Variants in PCDHGA5 observed in about 807,000 individuals in gnomAD.
The protein encoded by PCDHGA5 is protocadherin gamma subfamily A, 5, also known as protocadherin gamma-A5.
Under a neutral mutation model 56.7 loss-of-function variants are expected in PCDHGA5, and 36 were observed. The ratio of observed to expected loss-of-function variants is 0.64; its 90% CI spans 0.49 to 0.84. The LOEUF (loss-of-function observed/expected upper bound fraction) is 0.84, where lower values mean the gene tolerates loss of function less well. PCDHGA5 is among the 40% of genes least tolerant of loss of function. The pLI, the probability that PCDHGA5 is intolerant of heterozygous loss-of-function variation, is 0.00. For missense variants in PCDHGA5, 1,305 were observed against 1,201.5 expected (o/e 1.09, Z -1.27); for synonymous variants, 563 against 520.2 (o/e 1.08, Z -1.12).
Position 141,476,461 on chromosome 5 carries a change from G to T in PCDHGA5, c.2422-18346G>T. On this transcript the variant is annotated intron_variant, in intron 1 of 3. Transcript: ENST00000518069. This position sits in a 1 kb window ranked among gnomAD's most constrained non-coding sequence, Gnocchi z 7.6. The stretch of plus-strand genomic sequence containing the variant: ...CTCTGGAGTTGGTAGTGGAGAACCC[G>T]CTGGAGCTGTTCAGCGTGGAAGTGG... The T allele has an allele frequency of 6.2e-7, 1 of 1,614,122 alleles. No homozygotes were observed. Among genetic ancestry groups the T allele is most frequent in the Non-Finnish European group, 8.5e-7 (1 of 1,180,022 alleles).
intron 1 of PCDHGA5, chr5:141,440,247 T>C (rs1158469276): frequency 1.3e-5 from 2 of 152,296 alleles, no homozygotes; most frequent in Non-Finnish European, 2.9e-5. Context: ...GGCGAGCAGA[T>C]TACGAGGTCA....
Position 141,432,483 on chromosome 5 carries a change from T to C in PCDHGA5, c.2422-62324T>C, listed in dbSNP as rs776090923. The C allele has an allele frequency of 6.2e-7, 1 of 1,614,136 alleles. No homozygotes were observed. The highest frequency in any genetic ancestry group is 1.1e-5 in the South Asian group (1 of 91,078). ...CTCCCCACGGACGGTTCCACTGGCG[T>C]GGAGCTGGCTCCCCGCTCCGCAGAG... On this transcript the variant is annotated intron_variant, in intron 1 of 3. Coordinates refer to ENST00000518069, the MANE Select transcript of PCDHGA5 (RefSeq NM_018918.3). The surrounding 1 kb of genome is among the most constrained non-coding windows in gnomAD (Gnocchi z 6.0).
intron 1 of PCDHGA5, among the ~76,000 whole-genome samples, chr5:141,459,747 A>G (rs553965181): frequency 3.2e-4 from 48 of 152,318 alleles, no homozygotes; most frequent in African/African-American, 1.1e-3. Flanking sequence ...AATTTTAGCA[A>G]TTCTAGTGGG....
At chr5:141,502,363 T>C (rs1216939790) in intron 2 of PCDHGA5, among the ~76,000 whole-genome samples, 2 of 152,100 alleles carry the variant, frequency 1.3e-5, no homozygotes, top group African/African-American at 4.8e-5. Context: ...ATGGATATTT[T>C]TAAAGAGTCC....
chr5:141,372,307 C>T, intron 1 of PCDHGA5: 3 of 1,613,452 alleles, frequency 1.9e-6, no homozygotes, highest in Non-Finnish European at 2.5e-6. Context: ...AGGGAGGCCG[C>T]CCGCCAGCGC....
chr5:141,404,177 A>C, intron 1 of PCDHGA5: 1 of 1,613,448 alleles, frequency 6.2e-7, no homozygotes, highest in Non-Finnish European at 8.5e-7. Context: ...GACGGCCCAA[A>C]TTCTTGACCG....
intron 1 of PCDHGA5, among the ~76,000 whole-genome samples, chr5:141,442,846 C>T (rs1489647686): frequency 2.6e-5 from 4 of 152,234 alleles, no homozygotes; most frequent in Non-Finnish European, 4.4e-5. Context: ...AAATCTTGGC[C>T]ATTGTAGTAT....
chr5:141,415,095 C>G, intron 1 of PCDHGA5: 2 of 1,613,584 alleles, frequency 1.2e-6, no homozygotes, highest in Non-Finnish European at 1.7e-6. Context: ...TGGACAGAGA[C>G]GCGCTCAAGC....
chr5:141,399,300 C>T (rs985419238), intron 1 of PCDHGA5: 3 of 1,613,792 alleles, frequency 1.9e-6, no homozygotes, highest in Non-Finnish European at 2.5e-6. Flanking sequence ...TTAAGATTAT[C>T]TCTTCATCCA....
chr5:141,415,740 GTTTTTTTTTTT>G lies in PCDHGA5; in HGVS notation c.2421+49011_2421+49021del, dbSNP rs57426385. On this transcript the variant is annotated intron_variant, in intron 1 of 3. Transcript: ENST00000518069. ...TGAGTAGAATTTGATGTTTATTAAGGTTTTTTTTTTTTTTTTTTTTTTTTTTTTTTTTACTT... is the reference window on the plus strand; with the variant it reads ...TGAGTAGAATTTGATGTTTATTAAGGTTTTTTTTTTTTTTTTTTTTTACTT... 695 of 624,702 alleles carry G rather than the reference GTTTTTTTTTTT, an allele frequency of 1.1e-3. 1 individual carries two copies. Among genetic ancestry groups the G allele is most frequent in the East Asian group, 1.8e-3 (27 of 14,732 alleles). 38.7% of individuals were successfully genotyped at this position (624,702 alleles called of 1,614,324 possible).
chr5:141,381,188 T>G (rs1271101708), intron 1 of PCDHGA5, among the ~76,000 whole-genome samples: 1 of 152,222 alleles, frequency 6.6e-6, no homozygotes, highest in Non-Finnish European at 1.5e-5. Context: ...GAAGTTAAGC[T>G]TTCTTAGTGT....
intron 1 of PCDHGA5, chr5:141,427,973 C>G (rs754410723): frequency 3.1e-6 from 5 of 1,593,936 alleles, no homozygotes; most frequent in Non-Finnish European, 3.4e-6. Flanking sequence ...TGCTGTACCC[C>G]GCGCTGGGGC....
chr5:141,370,950 C>G (rs78666647), intron 1 of PCDHGA5: 1 of 1,614,002 alleles, frequency 6.2e-7, no homozygotes, highest in South Asian at 1.1e-5. Flanking sequence ...GAAGGAGAAC[C>G]TGGATGGCAG....
At position 141,477,226 on chromosome 5, in the gene PCDHGA5, C is replaced by G. The variant is rs779570150; in HGVS notation, c.2422-17581C>G. 59 of 1,614,076 alleles carry G rather than the reference C, an allele frequency of 3.7e-5. No homozygotes were observed. The highest frequency in any genetic ancestry group is 1.3e-4 in the Admixed American group (8 of 60,004). On this transcript the variant is annotated intron_variant, in intron 1 of 3. Coordinates refer to ENST00000518069, the MANE Select transcript of PCDHGA5 (RefSeq NM_018918.3). This position sits in a 1 kb window ranked among gnomAD's most constrained non-coding sequence, Gnocchi z 4.9. ...CCGAGGATGCCCCTCTGGGGACTGT[C>G]ATCGCTTTGCTCAGTGTGACTGACC...
At chr5:141,435,665 A>C (rs1029846055) in intron 1 of PCDHGA5, among the ~76,000 whole-genome samples, 2 of 152,206 alleles carry the variant, frequency 1.3e-5, no homozygotes, top group African/African-American at 4.8e-5. Flanking sequence ...CACAGATTCC[A>C]AGTGTTTTCT....
intron 1 of PCDHGA5, chr5:141,427,971 C>A (rs764145525): frequency 1.3e-6 from 2 of 1,593,630 alleles, no homozygotes; most frequent in Non-Finnish European, 1.7e-6. Flanking sequence ...GGTGCTGTAC[C>A]CCGCGCTGGG....
In PCDHGA5 at chr5:141,485,433, A is replaced by G. The variant is rs2099613324; in HGVS notation, c.2422-9374A>G. On this transcript the variant is annotated intron_variant, in intron 1 of 3. Transcript: ENST00000518069. The surrounding 1 kb of genome is among the most constrained non-coding windows in gnomAD (Gnocchi z 5.7). The stretch of plus-strand genomic sequence containing the variant: ...TTGGACAGCGGAGCCCTGCTCATCA[A>G]GAACCCAATCGACCGAGAGGCACTG... 6 of 1,614,208 alleles carry G rather than the reference A, an allele frequency of 3.7e-6. No homozygotes were observed. Among genetic ancestry groups the G allele is most frequent in the Non-Finnish European group, 5.1e-6 (6 of 1,180,030 alleles).
intron 1 of PCDHGA5, chr5:141,442,507 G>C (rs1394231840): frequency 1.3e-5 from 2 of 152,208 alleles, no homozygotes; most frequent in Non-Finnish European, 1.5e-5. Flanking sequence ...TATTCTAATT[G>C]CTTGGGCAGA....
chr5:141,486,803 C>T lies in PCDHGA5; in HGVS notation c.2422-8004C>T. 1 of 1,614,228 alleles carries T rather than the reference C, an allele frequency of 6.2e-7. No homozygotes were observed. Among genetic ancestry groups the T allele is most frequent in the South Asian group, 1.1e-5 (1 of 91,084 alleles). ...GCAGGCCCGGGATCGGGGCAACCCACCCCTTAGCAGCACTGTAACAGTTCG... is the reference window on the plus strand; with the variant it reads ...GCAGGCCCGGGATCGGGGCAACCCATCCCTTAGCAGCACTGTAACAGTTCG... On this transcript the variant is annotated intron_variant, in intron 1 of 3. Coordinates refer to ENST00000518069, the MANE Select transcript of PCDHGA5 (RefSeq NM_018918.3). The surrounding 1 kb of genome is among the most constrained non-coding windows in gnomAD (Gnocchi z 5.0).
Sources: allele counts gnomAD v4.1 joint callset (sites outside exome capture counted in the v4.1 genomes callset), GRCh38; gene constraint gnomAD v4.1.1; non-coding constraint Gnocchi (gnomAD v3.1); transcripts MANE v1.5; gene names NCBI Gene and HGNC (gene_info 2026-07-23, HGNC 2026-07-21).